Variants in GCNA observed in about 807,000 individuals in gnomAD.
The protein encoded by GCNA is germ cell nuclear acidic peptidase, also known as germ cell nuclear acidic protein.
A neutral mutation model predicts 38.8 loss-of-function variants in GCNA; 3 were observed. The ratio of observed to expected loss-of-function variants is 0.08; its 90% CI spans 0.04 to 0.20. The LOEUF is 0.20. Among genes scored for constraint, GCNA ranks in the 10% least tolerant of loss-of-function variants. The probability of loss-of-function intolerance (pLI) is 1.00; values close to 1 mark genes in which losing one functional copy is unlikely to be tolerated. For missense variants in GCNA, 446 were observed against 578.6 expected, an observed-to-expected ratio of 0.77 and a Z score of 2.35; for synonymous variants, 195 against 240.2, an observed-to-expected ratio of 0.81 and a Z score of 1.74.
At chrX:71,610,903 T>A in intron 11 of GCNA, 84 bp downstream of exon 11, 1 of 1,147,180 alleles carries the variant, frequency 8.7e-7, no homozygotes, top group Non-Finnish European at 1.2e-6. Context: ...GCTGGTAGCC[T>A]GTGTCACAGC....
intron 2 of GCNA, among the ~76,000 whole-genome samples, chrX:71,586,377 G>T (rs371218132): frequency 9.0e-6 from 1 of 111,330 alleles, no homozygotes; most frequent in Non-Finnish European, 1.9e-5. Flanking sequence ...TTTCATGGAG[G>T]AGGTACATAT....
At chrX:71,591,303 C>A (rs1284616837) in intron 2 of GCNA, among the ~76,000 whole-genome samples, 1 of 110,532 alleles carries the variant, frequency 9.0e-6, no homozygotes, top group Non-Finnish European at 1.9e-5. Flanking sequence ...TAAGTGATAG[C>A]AAGAGGCAAA....
intron 9 of GCNA, 99 bp from the exon 10 acceptor site, chrX:71,608,874 G>A: frequency 1.0e-6 from 1 of 986,086 alleles, no homozygotes; most frequent in South Asian, 2.5e-5. Flanking sequence ...GGATGGAAGA[G>A]GGAGCAACAT....
intron 9 of GCNA, among the ~76,000 whole-genome samples, chrX:71,608,269 A>AT (rs763618526): frequency 4.3e-3 from 483 of 111,583 alleles, no homozygotes; most frequent in African/African-American, 0.015. Flanking sequence ...GAGAAAAGGA[A>AT]TTTTATTTTG....
chrX:71,593,196 A>G (rs1408954977), intron 4 of GCNA, among the ~76,000 whole-genome samples: 1 of 112,237 alleles, frequency 8.9e-6, no homozygotes, highest in Non-Finnish European at 1.9e-5. Context: ...ACCTGGCCTA[A>G]GTCTAACTTT....
intron 2 of GCNA, among the ~76,000 whole-genome samples, chrX:71,589,450 C>CT (rs371046758): frequency 0.045 from 1,701 of 37,626 alleles, 231 homozygotes; most frequent in Middle Eastern, 0.065. Context: ...CATATATTTC[C>CT]TTTTTTTTTT....
intron 4 of GCNA, among the ~76,000 whole-genome samples, chrX:71,593,223 G>C (rs1231179448): frequency 2.7e-5 from 3 of 112,032 alleles, no homozygotes; most frequent in Non-Finnish European, 5.6e-5. Flanking sequence ...GTAGAGCCTG[G>C]ACTTCCTTAT....
intron 12 of GCNA, 111 bp downstream of exon 12, chrX:71,612,670 C>T: frequency 1.9e-5 from 17 of 878,718 alleles, no homozygotes; most frequent in Non-Finnish European, 2.7e-5. Flanking sequence ...GAACCTCTCT[C>T]CTCCTTTCCA....
At chrX:71,588,799 C>A (rs974818312) in intron 2 of GCNA, among the ~76,000 whole-genome samples, 2 of 110,742 alleles carry the variant, frequency 1.8e-5, no homozygotes, top group Non-Finnish European at 3.8e-5. Context: ...TGCACTGCAA[C>A]CTGGGTGACA....
intron 6 of GCNA, among the ~76,000 whole-genome samples, chrX:71,597,483 G>A (rs1053449392): frequency 9.0e-6 from 1 of 110,874 alleles, no homozygotes; most frequent in African/African-American, 3.3e-5. Context: ...CAGTCCGTCA[G>A]TTCAAGAGGG....
At chrX:71,595,359 G>A (rs928661523) in intron 6 of GCNA, among the ~76,000 whole-genome samples, 10 of 111,948 alleles carry the variant, frequency 8.9e-5, no homozygotes, top group Admixed American at 1.9e-4. Context: ...GCCTCCCAAA[G>A]TTCTGGGATT....
intron 6 of GCNA, among the ~76,000 whole-genome samples, chrX:71,595,767 G>A (rs1337830670): frequency 2.7e-5 from 3 of 112,314 alleles, no homozygotes; most frequent in Admixed American, 9.4e-5. Context: ...CTGTACAAAT[G>A]CAAATTGGTC....
chrX:71,611,122 C>T (rs1386001540), intron 11 of GCNA, among the ~76,000 whole-genome samples: 1 of 112,272 alleles, frequency 8.9e-6, no homozygotes, highest in Non-Finnish European at 1.9e-5. Context: ...ATCACCAAAT[C>T]TTCCTTCAGA....
At position 71,580,850 on chromosome X, in the gene GCNA, G is replaced by C; in HGVS notation, c.29G>C (p.Arg10Pro). 1 of 1,202,134 alleles carries C rather than the reference G, an allele frequency of 8.3e-7. No individual in the cohort carries two copies. The highest frequency in any genetic ancestry group is 1.1e-6 in the Non-Finnish European group (1 of 890,248). Reference protein sequence around the residue: MDGCKKELPRLQEPEEDEDC... With the variant: MDGCKKELPPLQEPEEDEDC... ...GATGGGTGCAAAAAAGAGCTGCCCC[G>C]CTTGCAAGAGCCGGAGGAGGACGAG... The change falls in exon 2 of 13, where the codon CGC becomes CCC. Residue 10 changes from arginine (R) to proline (P), a missense_variant. Arg to Pro is a moderately radical substitution (Grantham distance 103). Coordinates refer to ENST00000373696, the MANE Select transcript of GCNA (RefSeq NM_052957.5).
intron 7 of GCNA, among the ~76,000 whole-genome samples, chrX:71,600,855 T>A (rs2040707847): frequency 8.9e-6 from 1 of 111,991 alleles, no homozygotes; most frequent in Non-Finnish European, 1.9e-5. Context: ...TTAATTATTT[T>A]AAAATGTACA....
intron 2 of GCNA, among the ~76,000 whole-genome samples, chrX:71,582,390 T>C (rs1325829548): frequency 2.7e-5 from 3 of 111,108 alleles, no homozygotes; most frequent in African/African-American, 9.8e-5. Flanking sequence ...ATTTTTTTTT[T>C]CTCCCACTTG....
intron 7 of GCNA, among the ~76,000 whole-genome samples, chrX:71,603,263 C>T (rs2040730994): frequency 8.9e-6 from 1 of 111,840 alleles, no homozygotes; most frequent in South Asian, 3.7e-4. Flanking sequence ...CTATTCTGGG[C>T]CTTTCATGAT....
Position 71,604,286 on chromosome X carries a change from C to A in GCNA, c.1009C>A (p.Pro337Thr), listed in dbSNP as rs766189270. 8.3e-6 allele frequency: 10 copies of A among 1,211,147 alleles called. No homozygotes were observed. In the East Asian group the frequency reaches 2.7e-4, roughly 32 times the overall value. ...TAGTGATGATTTGGAAGTTCCTGTG[C>A]CAGCAGAAGATTTGTGTAATGAAGG... ...DNSDDLEVPV[P>T]AEDLCNEGQI... The change falls in exon 8 of 13, where the codon CCA becomes ACA. Residue 337 changes from proline to threonine, a missense_variant. By Grantham distance (38) the Pro-to-Thr change is conservative (BLOSUM62 -1). Coordinates refer to ENST00000373696, the MANE Select transcript of GCNA (RefSeq NM_052957.5).
chrX:71,590,802 C>T (rs936990544), intron 2 of GCNA, among the ~76,000 whole-genome samples: 2 of 109,874 alleles, frequency 1.8e-5, no homozygotes, highest in African/African-American at 6.7e-5. Flanking sequence ...CCTGCCTCAG[C>T]CTCCCGAGTA....
Sources: gnomAD v4.1 joint callset for allele counts (sites outside exome capture counted in the v4.1 genomes callset) on GRCh38, gnomAD v4.1.1 for gene constraint, MANE v1.5 for transcripts, NCBI Gene and HGNC (gene_info 2026-07-23, HGNC 2026-07-21) for gene names.